The following METTL16 variants were observed in gnomAD, a reference collection of about 807,000 sequenced individuals.
METTL16 encodes RNA N(6)-adenosine-methyltransferase METTL16.
METTL16 carries 19 observed loss-of-function variants against 57.9 expected under a neutral mutation model. The ratio of observed to expected loss-of-function variants is 0.33; its 90% CI spans 0.23 to 0.48. The LOEUF (loss-of-function observed/expected upper bound fraction) is 0.48, where lower values mean the gene tolerates loss of function less well. Among genes scored for constraint, METTL16 ranks in the 20% least tolerant of loss-of-function variants. METTL16 has a pLI of 0.99. For missense variants in METTL16, 434 were observed against 691.5 expected, an observed-to-expected ratio of 0.63 and a Z score of 4.18; for synonymous variants, 246 against 255.6, an observed-to-expected ratio of 0.96 and a Z score of 0.36.
chr17:2,467,519 G>A (rs976795573), intron 5 of METTL16, among the ~76,000 whole-genome samples: 4 of 152,000 alleles, frequency 2.6e-5, no homozygotes, highest in South Asian at 2.1e-4. Flanking sequence ...TCTGCCTCCC[G>A]GGTTCTAGCG....
chr17:2,456,170 G>A (rs894450456), intron 6 of METTL16, among the ~76,000 whole-genome samples: 2 of 151,950 alleles, frequency 1.3e-5, no homozygotes, highest in African/African-American at 4.8e-5. Flanking sequence ...GCACTACCTG[G>A]AGAACAAGCT....
chr17:2,492,073 T>A (rs532324397), intron 2 of METTL16, among the ~76,000 whole-genome samples: 23 of 150,772 alleles, frequency 1.5e-4, no homozygotes, highest in African/African-American at 5.1e-4. Flanking sequence ...TAGCCGGGCG[T>A]GGTGGCGGGT....
intron 6 of METTL16, among the ~76,000 whole-genome samples, chr17:2,450,929 T>C (rs1365925498): frequency 6.6e-6 from 1 of 152,208 alleles, no homozygotes; most frequent in Non-Finnish European, 1.5e-5. Flanking sequence ...TAAGAGCCTC[T>C]AAAATCACCA....
At chr17:2,503,508 T>C (rs1317398249) in intron 1 of METTL16, among the ~76,000 whole-genome samples, 1 of 151,738 alleles carries the variant, frequency 6.6e-6, no homozygotes, top group Non-Finnish European at 1.5e-5. Context: ...ATACACTAAA[T>C]ATGGGTCAAC....
chr17:2,461,576 CTT>C (rs568432589), intron 6 of METTL16, among the ~76,000 whole-genome samples: 18 of 123,934 alleles, frequency 1.5e-4, no homozygotes, highest in Non-Finnish European at 1.9e-4. Context: ...GTTCTCCTGT[CTT>C]TTTTTTTTTT....
intron 8 of METTL16, among the ~76,000 whole-genome samples, chr17:2,421,497 C>A (rs1293400837): frequency 6.6e-6 from 1 of 152,190 alleles, no homozygotes; most frequent in African/African-American, 2.4e-5. Context: ...AACGCCGAAC[C>A]CACGTTCTTT....
At chr17:2,438,335 G>A (rs968016552) in intron 7 of METTL16, 137 bp from the exon 8 acceptor site, 3 of 643,416 alleles carry the variant, frequency 4.7e-6, no homozygotes, top group Non-Finnish European at 8.6e-6. Context: ...AACAGTTATA[G>A]ATAGCTGCCT....
chr17:2,491,337 C>T (rs573506667), intron 2 of METTL16, among the ~76,000 whole-genome samples: 2 of 152,324 alleles, frequency 1.3e-5, no homozygotes, highest in East Asian at 1.9e-4. Context: ...TGCTCTACCA[C>T]TGATGAATAC....
At chr17:2,432,987 T>C (rs1202455499) in intron 8 of METTL16, among the ~76,000 whole-genome samples, 1 of 152,160 alleles carries the variant, frequency 6.6e-6, no homozygotes, top group Non-Finnish European at 1.5e-5. Context: ...TTTCCACACC[T>C]ATGCAAGAAG....
chr17:2,425,893 C>T (rs1449284247), intron 8 of METTL16, among the ~76,000 whole-genome samples: 1 of 151,952 alleles, frequency 6.6e-6, no homozygotes, highest in African/African-American at 2.4e-5. Flanking sequence ...TGCCATGTCG[C>T]CCAGACTGGT....
At chr17:2,464,478 G>T (rs2067175785) in intron 5 of METTL16, 128 bp from the exon 6 acceptor site, 1 of 826,612 alleles carries the variant, frequency 1.2e-6, no homozygotes, top group Non-Finnish European at 1.7e-6. Flanking sequence ...CTAGATTTAG[G>T]ATTTTAAAAT....
chr17:2,425,103 T>C (rs2066808670), intron 8 of METTL16, among the ~76,000 whole-genome samples: 3 of 152,206 alleles, frequency 2.0e-5, no homozygotes, highest in Admixed American at 6.5e-5. Flanking sequence ...CAGTAAAATA[T>C]AGGATCAAGT....
At chr17:2,499,039 T>G (rs1177744782) in intron 2 of METTL16, among the ~76,000 whole-genome samples, 1 of 151,612 alleles carries the variant, frequency 6.6e-6, no homozygotes, top group Non-Finnish European at 1.5e-5. Flanking sequence ...AGAGACCATT[T>G]CGGTTTCAAA....
intron 2 of METTL16, among the ~76,000 whole-genome samples, chr17:2,500,275 T>C (rs999005157): frequency 6.6e-6 from 1 of 152,006 alleles, no homozygotes; most frequent in African/African-American, 2.4e-5. Flanking sequence ...TCTTCTTTTT[T>C]TCTTTTTTCT....
At chr17:2,468,923 GT>G (rs2151565911) in intron 4 of METTL16, among the ~76,000 whole-genome samples, 1 of 150,822 alleles carries the variant, frequency 6.6e-6, no homozygotes, top group South Asian at 2.1e-4. Flanking sequence ...TGTTGTGTGT[GT>G]GTGTTTTTTT....
intron 4 of METTL16, among the ~76,000 whole-genome samples, chr17:2,469,967 A>T (rs1294593308): frequency 6.6e-6 from 1 of 152,236 alleles, no homozygotes; most frequent in African/African-American, 2.4e-5. Flanking sequence ...CAAATAGTCA[A>T]TGAGTGAATA....
intron 1 of METTL16, among the ~76,000 whole-genome samples, chr17:2,506,883 C>T (rs1351578813): frequency 6.6e-6 from 1 of 151,106 alleles, no homozygotes; most frequent in Non-Finnish European, 1.5e-5. Context: ...ATGTGGGGAG[C>T]GCCTCTGCCC....
At chr17:2,446,000 A>G (rs1312520714) in intron 6 of METTL16, among the ~76,000 whole-genome samples, 1 of 152,274 alleles carries the variant, frequency 6.6e-6, no homozygotes, top group Non-Finnish European at 1.5e-5. Context: ...ACTAAAAAGG[A>G]CAAACCACAT....
intron 8 of METTL16, among the ~76,000 whole-genome samples, chr17:2,432,537 C>G (rs1293283084): frequency 6.6e-6 from 1 of 152,030 alleles, no homozygotes; most frequent in Non-Finnish European, 1.5e-5. Flanking sequence ...CCAATACATT[C>G]CAGCCTTGGC....
Sources: gnomAD v4.1 joint callset for allele counts (sites outside exome capture counted in the v4.1 genomes callset) on GRCh38, gnomAD v4.1.1 for gene constraint, MANE v1.5 for transcripts, NCBI Gene and HGNC (gene_info 2026-07-23, HGNC 2026-07-21) for gene names.